Variants in DEAF1 observed in about 807,000 individuals in gnomAD.
The protein encoded by DEAF1 is deformed epidermal autoregulatory factor 1 homolog.
DEAF1 carries 53 observed loss-of-function variants against 58.9 expected under a neutral mutation model. That is an observed-to-expected ratio of 0.90 (90% CI 0.72 to 1.13). The LOEUF (loss-of-function observed/expected upper bound fraction) is 1.13, where lower values mean the gene tolerates loss of function less well. Among genes scored for constraint, DEAF1 ranks in the 50% most tolerant of loss-of-function variants. The pLI is 0.00. For synonymous variants in DEAF1, 385 were observed against 340.4 expected (o/e 1.13, Z -1.44); for missense variants, 685 against 791.4 (o/e 0.87, Z 1.61).
At chr11:697,760 G>GTAAC, upstream of DEAF1, 2 of 152,260 alleles carry the variant, frequency 1.3e-5, no homozygotes, top group African/African-American at 4.8e-5. Context: ...TGGCCTGCCG[G>GTAAC]GAACGCGATG....
chr11:689,924 G>A (rs910672133), intron 2 of DEAF1: 1 of 152,086 alleles, frequency 6.6e-6, no homozygotes, highest in Admixed American at 6.6e-5. Flanking sequence ...CCTAGGAAAT[G>A]AGGAGGTGCC....
chr11:658,893 C>T (rs144619027), intron 10 of DEAF1, among the ~76,000 whole-genome samples: 42 of 152,228 alleles, frequency 2.8e-4, no homozygotes, highest in Admixed American at 5.9e-4. Context: ...GGAAAAAAGC[C>T]TTGTGAATCA....
chr11:683,168 T>A (rs1590011496), intron 6 of DEAF1, among the ~76,000 whole-genome samples: 2 of 152,212 alleles, frequency 1.3e-5, no homozygotes, highest in African/African-American at 4.8e-5. Context: ...GTTGGTCCAC[T>A]GAGCTCATCA....
chr11:704,373 C>A, intron 1 of DEAF1: 3 of 1,104,180 alleles, frequency 2.7e-6, no homozygotes, highest in Non-Finnish European at 2.4e-6. Flanking sequence ...TCCTGCCTGT[C>A]TTCGTGGAAG....
chr11:659,842 G>A (rs539849729), intron 10 of DEAF1, among the ~76,000 whole-genome samples: 4 of 152,346 alleles, frequency 2.6e-5, no homozygotes, highest in South Asian at 2.1e-4. Flanking sequence ...GGAAGCCAGC[G>A]GTAGATGGGG....
intron 11 of DEAF1, among the ~76,000 whole-genome samples, chr11:647,409 C>G (rs760697630): frequency 1.3e-5 from 2 of 151,726 alleles, no homozygotes; most frequent in African/African-American, 2.4e-5. Flanking sequence ...GAGCCAAGAT[C>G]GCGCCGCTGC....
At position 695,215 on chromosome 11, in the gene DEAF1, C is replaced by A. The variant is rs541084232; in HGVS notation, c.-168G>T. The stretch of plus-strand genomic sequence containing the variant: ...CAGCCAGCCGCCGAGCAGAGCCGAG[C>A]CGAGTCCGCCCGCGGAGCGGAGCCG... On this transcript the variant is annotated 5_prime_UTR_variant, in exon 1 of 12. Transcript: ENST00000382409. The A allele has an allele frequency of 5.1e-6, 3 of 584,906 alleles. No individual in the cohort carries two copies. Among genetic ancestry groups the A allele is most frequent in the Admixed American group, 4.6e-5 (1 of 21,882 alleles). The allele number at this position is 584,906 out of a possible 1,614,324, so 36.2% of individuals were successfully genotyped here.
intron 10 of DEAF1, among the ~76,000 whole-genome samples, chr11:659,741 G>A (rs917396508): frequency 1.1e-4 from 16 of 152,172 alleles, no homozygotes; most frequent in Non-Finnish European, 2.1e-4. Flanking sequence ...CTCCTTTCCC[G>A]GCACTGCAGT....
intron 11 of DEAF1, among the ~76,000 whole-genome samples, chr11:653,675 C>T (rs974103928): frequency 5.3e-5 from 8 of 152,132 alleles, no homozygotes; most frequent in Non-Finnish European, 1.0e-4. Context: ...GTCTCTCTTG[C>T]GTGGCTGTGC....
At chr11:668,171 T>A (rs575502133) in intron 10 of DEAF1, among the ~76,000 whole-genome samples, 1 of 152,052 alleles carries the variant, frequency 6.6e-6, no homozygotes, top group African/African-American at 2.4e-5. Context: ...AAAACGTCCC[T>A]CAAAAATAAA....
chr11:664,212 T>C lies in DEAF1; in HGVS notation c.1504-10161A>G, dbSNP rs572076640. Among the ~76,000 whole-genome samples the C allele has an allele frequency of 2.7e-5, 4 of 148,284 alleles. No homozygotes were observed. The South Asian group carries it at 8.5e-4, about 32-fold the overall frequency. ...TGGGCAACAAGAGCGAAACTCTGTC[T>C]CAAGAAAAAAAGAAAAAGAAAAAAA... On this transcript the variant is annotated intron_variant, in intron 10 of 11. Coordinates refer to ENST00000382409, the MANE Select transcript of DEAF1 (RefSeq NM_021008.4).
intron 9 of DEAF1, among the ~76,000 whole-genome samples, chr11:675,288 G>A (rs934234021): frequency 2.0e-5 from 3 of 152,224 alleles, no homozygotes; most frequent in Admixed American, 2.0e-4. Flanking sequence ...GGAGACTGAG[G>A]TGGGAGGATC....
chr11:687,102 C>G, intron 4 of DEAF1, 105 bp from the exon 5 acceptor site: 4 of 1,544,298 alleles, frequency 2.6e-6, no homozygotes, highest in Non-Finnish European at 3.5e-6. Flanking sequence ...ACCAGCGCCC[C>G]AGCGGCTCAT....
intron 1 of DEAF1, chr11:703,668 A>G (rs953260754): frequency 7.3e-6 from 9 of 1,232,176 alleles, no homozygotes; most frequent in African/African-American, 1.6e-5. Flanking sequence ...GCTCTGAGCA[A>G]CCCCAGCTCT....
intron 1 of DEAF1, among the ~76,000 whole-genome samples, chr11:693,089 G>A (rs535929948): frequency 2.6e-5 from 4 of 152,260 alleles, no homozygotes; most frequent in African/African-American, 9.6e-5. Context: ...TCAGCTGTTC[G>A]TAATTTTTAA....
rs1281804999 is a variant in DEAF1, at chr11:688,861, G to C, written c.388-401C>G. On this transcript the variant is annotated intron_variant, in intron 2 of 11. Coordinates refer to ENST00000382409, the MANE Select transcript of DEAF1 (RefSeq NM_021008.4). This position sits in a 1 kb window ranked among gnomAD's most constrained non-coding sequence, Gnocchi z 4.3. ...GGACCGCCCTCCAGACCTCCTTACAGATGGCAACTGGAGACCAGGGCCTCA... is the reference window on the plus strand; with the variant it reads ...GGACCGCCCTCCAGACCTCCTTACACATGGCAACTGGAGACCAGGGCCTCA... Among the ~76,000 whole-genome samples, 3 of 152,174 alleles carry C rather than the reference G, an allele frequency of 2.0e-5. No individual in the cohort carries two copies. Among genetic ancestry groups the C allele is most frequent in the Admixed American group, 6.5e-5 (1 of 15,268 alleles).
chr11:681,190 A>G, intron 6 of DEAF1, 101 bp from the exon 7 acceptor site: 1 of 1,491,062 alleles, frequency 6.7e-7, no homozygotes, highest in Non-Finnish European at 9.3e-7. Context: ...TGTGTGAGTC[A>G]CATGGTGAGA....
intron 9 of DEAF1, among the ~76,000 whole-genome samples, chr11:677,077 G>A (rs1397845335): frequency 2.0e-5 from 3 of 151,928 alleles, no homozygotes; most frequent in African/African-American, 7.2e-5. Context: ...CTGATTTCAA[G>A]CATTTGCTGA....
Position 654,015 on chromosome 11 carries a change from C to A in DEAF1, c.1540G>T (p.Glu514Ter). 1.2e-6 allele frequency: 2 copies of A among 1,613,860 alleles called. No homozygotes were observed. Among genetic ancestry groups the A allele is most frequent in the Non-Finnish European group, 1.7e-6 (2 of 1,179,974 alleles). ...TTGACCTTGTGGCAGCCGGTGCACT[C>A]GCTCATAGCCTCCCGGCCGCAGTTA... is the stretch of plus-strand genomic sequence containing the variant. Reference protein sequence around the residue: ...CVNCGREAMSECTGCHKVNYC... With the variant: ...CVNCGREAMS The change falls in exon 11 of 12, where the codon GAG (glutamate) becomes TAG (stop). Residue 514 changes from glutamate (E) to a stop codon, truncating the protein, a stop_gained. Coordinates refer to ENST00000382409, the MANE Select transcript of DEAF1 (RefSeq NM_021008.4). LOFTEE classifies it high-confidence loss of function.
Sources: gnomAD v4.1 joint callset for allele counts (sites outside exome capture counted in the v4.1 genomes callset) on GRCh38, gnomAD v4.1.1 for gene constraint, Gnocchi (gnomAD v3.1) non-coding constraint, MANE v1.5 for transcripts, NCBI Gene and HGNC (gene_info 2026-07-23, HGNC 2026-07-21) for gene names.